Variants in CYGB observed in about 807,000 individuals in gnomAD.
CYGB encodes cytoglobin.
In CYGB, 13 loss-of-function variants were observed where a neutral mutation model predicts 20.7. The ratio of observed to expected loss-of-function variants is 0.63; its 90% CI spans 0.41 to 1.00. The LOEUF (loss-of-function observed/expected upper bound fraction) is 1.00. Among genes scored for constraint, CYGB ranks in the 50% least tolerant of loss-of-function variants. The pLI is 0.00. For missense variants in CYGB, 218 were observed against 257.2 expected, an observed-to-expected ratio of 0.85 and a Z score of 1.04; for synonymous variants, 93 against 107.4, an observed-to-expected ratio of 0.87 and a Z score of 0.83.
At chr17:76,544,029 G>T (rs1226456615) in intron 1 of CYGB, 2 of 455,096 alleles carry the variant, frequency 4.4e-6, no homozygotes, top group African/African-American at 4.0e-5. Context: ...GCTCAGTCCC[G>T]GCGGCTGCCT....
upstream of CYGB, chr17:76,540,663 G>A (rs915441345): frequency 1.7e-5 from 22 of 1,297,872 alleles, no homozygotes; most frequent in South Asian, 1.1e-4. This position sits in a 1 kb window ranked among gnomAD's most constrained non-coding sequence, Gnocchi z 5.0. Context: ...GTGCCTGTGC[G>A]CGCCTGTGCG....
At chr17:76,540,250 T>A (rs577810284), upstream of CYGB, 2 of 467,224 alleles carry the variant, frequency 4.3e-6, no homozygotes, top group African/African-American at 9.0e-5. The surrounding 1 kb of genome is among the most constrained non-coding windows in gnomAD (Gnocchi z 5.0). Flanking sequence ...TGGCGGTTGG[T>A]CGGGGGGGGG....
At position 76,530,274 on chromosome 17, in the gene CYGB, C is replaced by T. The variant is rs147417122; in HGVS notation, c.539+705G>A. Among the ~76,000 whole-genome samples, 909 of 152,098 alleles carry T rather than the reference C, an allele frequency of 6.0e-3. 5 individuals are homozygous for T. The highest frequency in any genetic ancestry group is 0.02 in the African/African-American group (834 of 41,486). The stretch of plus-strand genomic sequence containing the variant: ...CCTCCCCTTGGGGGCCCAGGGAGGC[C>T]GAGTGTTCCCAACCGCCACATCTGG... On this transcript the variant is annotated intron_variant, in intron 3 of 3. Coordinates refer to ENST00000293230, the MANE Select transcript of CYGB (RefSeq NM_134268.5). This position sits in a 1 kb window ranked among gnomAD's most constrained non-coding sequence, Gnocchi z 6.1.
At chr17:76,551,028 G>A (rs1012716123) in exon 1 of CYGB, 28 of 152,326 alleles carry the variant, frequency 1.8e-4, no homozygotes, top group African/African-American at 6.7e-4. Context: ...AGCAGAGCTG[G>A]GACTTTCCTC....
upstream of CYGB, among the ~76,000 whole-genome samples, chr17:76,541,249 G>A (rs1441729484): frequency 6.6e-6 from 1 of 152,204 alleles, no homozygotes; most frequent in East Asian, 1.9e-4. Context: ...TCTTTATGAA[G>A]TTCCCATGCA....
Position 76,528,321 on chromosome 17 carries a change from T to C in CYGB, c.*257A>G. ...TGCCAGCCGCTCAGCTAGGTCTCTC[T>C]CTAACAGTGAGTAGAAAAGCTAAGA... On this transcript the variant is annotated 3_prime_UTR_variant, in exon 4 of 4. Transcript: ENST00000293230. The surrounding 1 kb of genome is among the most constrained non-coding windows in gnomAD (Gnocchi z 5.8). 2.5e-6 allele frequency: 1 copy of C among 403,290 alleles called. No individual in the cohort carries two copies. 25.0% of individuals were successfully genotyped at this position (403,290 alleles called of 1,614,324 possible).
Position 76,531,530 on chromosome 17 carries a change from A to G in CYGB, c.305T>C (p.Val102Ala), listed in dbSNP as rs1567906654. 5 of 1,614,092 alleles carry G rather than the reference A, an allele frequency of 3.1e-6. No homozygotes were observed. The highest frequency in any genetic ancestry group is 3.4e-6 in the Non-Finnish European group (4 of 1,179,936). The change falls in exon 2 of 4, where the codon GTG (valine) becomes GCG (alanine). Residue 102 changes from valine to alanine, a missense_variant. Transcript: ENST00000293230. This position sits in a 1 kb window ranked among gnomAD's most constrained non-coding sequence, Gnocchi z 7.4. ...CCCCACAAGGGCGAGCACAGAGGAC[A>G]CCTTGTCGGGGTCATGCAGGTTCTC... ...VVENLHDPDKVSSVLALVGKA... is the reference protein window; with the variant it reads ...VVENLHDPDKASSVLALVGKA...
chr17:76,535,629 C>A (rs1324446129), intron 1 of CYGB, among the ~76,000 whole-genome samples: 1 of 152,116 alleles, frequency 6.6e-6, no homozygotes, highest in Non-Finnish European at 1.5e-5. Context: ...ATGACCTCCC[C>A]CAGCCCAGGC....
chr17:76,536,729 G>C (rs748477674), intron 1 of CYGB, among the ~76,000 whole-genome samples: 1 of 152,130 alleles, frequency 6.6e-6, no homozygotes, highest in Non-Finnish European at 1.5e-5. Flanking sequence ...GTTAGGCCCT[G>C]TCTCCTGAAG....
chr17:76,534,038 A>C (rs1168655839), intron 1 of CYGB, among the ~76,000 whole-genome samples: 2 of 152,162 alleles, frequency 1.3e-5, no homozygotes, highest in Non-Finnish European at 2.9e-5. Context: ...ACCCTGACAA[A>C]ATAATAACAA....
chr17:76,530,916 C>T lies in CYGB; in HGVS notation c.539+63G>A, dbSNP rs1447815548. On this transcript the variant is annotated intron_variant, in intron 3 of 3. Transcript: ENST00000293230. This position sits in a 1 kb window ranked among gnomAD's most constrained non-coding sequence, Gnocchi z 6.1. ...CCAGGGCCTCAGGAGATATGGGAGA[C>T]CTCGGGGACAGCAGAGGACATGGCG... The T allele has an allele frequency of 6.7e-7, 1 of 1,494,016 alleles. No individual in the cohort carries two copies. The highest frequency in any genetic ancestry group is 9.0e-7 in the Non-Finnish European group (1 of 1,115,288). 92.5% of individuals were successfully genotyped at this position (1,494,016 alleles called of 1,614,324 possible).
intron 1 of CYGB, chr17:76,544,956 G>A (rs777171221): frequency 9.2e-5 from 42 of 456,496 alleles, no homozygotes; most frequent in Non-Finnish European, 1.3e-4. Flanking sequence ...CCATCCAGAG[G>A]AAGGGCGGGA....
At chr17:76,544,340 A>G (rs1011287370) in intron 1 of CYGB, 1 of 454,326 alleles carries the variant, frequency 2.2e-6, no homozygotes, top group Non-Finnish European at 4.4e-6. Flanking sequence ...TTCAGCCGCC[A>G]CTCTGCCTCT....
intron 1 of CYGB, among the ~76,000 whole-genome samples, chr17:76,534,337 C>A (rs1438098571): frequency 6.6e-6 from 1 of 152,122 alleles, no homozygotes; most frequent in East Asian, 1.9e-4. Flanking sequence ...CGCCACCACA[C>A]CCGGCTAATT....
At chr17:76,540,155 T>G, upstream of CYGB, 1 of 1,605,642 alleles carries the variant, frequency 6.2e-7, no homozygotes, top group Non-Finnish European at 8.5e-7. This position sits in a 1 kb window ranked among gnomAD's most constrained non-coding sequence, Gnocchi z 5.0. Flanking sequence ...TGCACCACCC[T>G]TTTCCTGCTC....
At chr17:76,544,094 A>G (rs1380807887) in intron 1 of CYGB, 2 of 454,492 alleles carry the variant, frequency 4.4e-6, no homozygotes, top group South Asian at 3.1e-5. Flanking sequence ...CATGATCCTG[A>G]GCAGAGATAA....
rs930855635 is a variant in CYGB, at chr17:76,531,946, T to C, written c.144-255A>G. The C allele has an allele frequency of 9.9e-6, 4 of 404,610 alleles. No individual in the cohort carries two copies. The Admixed American group carries it at 1.6e-4, about 16-fold the overall frequency. 25.1% of individuals were successfully genotyped at this position (404,610 alleles called of 1,614,324 possible). A position where few individuals can be genotyped will look rare whatever the true frequency, so the allele number is the denominator to read the frequency against. ...GGCGGCTTCATCTCCTAGGCCTCTG[T>C]CTTCCTCGCTTCTTGCTTCCTTCCC... On this transcript the variant is annotated intron_variant, in intron 1 of 3. Coordinates refer to ENST00000293230, the MANE Select transcript of CYGB (RefSeq NM_134268.5). This position sits in a 1 kb window ranked among gnomAD's most constrained non-coding sequence, Gnocchi z 7.4.
At position 76,531,252 on chromosome 17, in the gene CYGB, G is replaced by A; in HGVS notation, c.376-110C>T. 1.5e-6 allele frequency: 2 copies of A among 1,314,738 alleles called. No individual in the cohort carries two copies. The highest frequency in any genetic ancestry group is 2.1e-6 in the Non-Finnish European group (2 of 955,742). The allele number at this position is 1,314,738 out of a possible 1,614,324, so 81.4% of individuals were successfully genotyped here. ...CGAGAGGATCATTCCTAACGCAACA[G>A]TCTGGCAGCTTTGGGAACCCCGTGC... On this transcript the variant is annotated intron_variant, in intron 2 of 3. Coordinates refer to ENST00000293230, the MANE Select transcript of CYGB (RefSeq NM_134268.5). The surrounding 1 kb of genome is among the most constrained non-coding windows in gnomAD (Gnocchi z 7.4).
At chr17:76,529,153 C>A in intron 3 of CYGB, 1 of 981,312 alleles carries the variant, frequency 1.0e-6, no homozygotes, top group Non-Finnish European at 1.2e-6. Context: ...AGAAGTTGGG[C>A]GAGGGCCTTC....
Sources: allele counts gnomAD v4.1 joint callset (sites outside exome capture counted in the v4.1 genomes callset), GRCh38; gene constraint gnomAD v4.1.1; non-coding constraint Gnocchi (gnomAD v3.1); transcripts MANE v1.5; gene names NCBI Gene and HGNC (gene_info 2026-07-23, HGNC 2026-07-21).